The following PDE4D variants were observed in gnomAD, a reference collection of about 807,000 sequenced individuals.
PDE4D encodes phosphodiesterase 4D.
PDE4D carries 24 observed loss-of-function variants against 87.4 expected under a neutral mutation model. The ratio of observed to expected loss-of-function variants is 0.27; its 90% CI spans 0.20 to 0.39. The LOEUF is 0.39. Ranked by LOEUF, PDE4D falls within the 10% of genes least tolerant of loss-of-function variation. The pLI, the probability that PDE4D is intolerant of heterozygous loss-of-function variation, is 1.00. For synonymous variants in PDE4D, 384 were observed against 383.2 expected, an observed-to-expected ratio of 1.00 and a Z score of -0.02; for missense variants, 714 against 1,041.0, an observed-to-expected ratio of 0.69 and a Z score of 4.32.
At chr5:60,465,943 T>C (rs1263865281) in intron 1 of PDE4D, among the ~76,000 whole-genome samples, 1 of 148,846 alleles carries the variant, frequency 6.7e-6, no homozygotes, top group Non-Finnish European at 1.5e-5. Context: ...AGGGACAGAG[T>C]AATTCAACAG....
At chr5:60,406,477 G>A (rs1183815338) in intron 1 of PDE4D, among the ~76,000 whole-genome samples, 1 of 152,172 alleles carries the variant, frequency 6.6e-6, no homozygotes, top group East Asian at 1.9e-4. Flanking sequence ...AAGAGTCCAG[G>A]GTTTCTAATA....
chr5:60,200,841 C>T (rs908746903), intron 1 of PDE4D, among the ~76,000 whole-genome samples: 10 of 152,092 alleles, frequency 6.6e-5, no homozygotes, highest in African/African-American at 9.7e-5. Flanking sequence ...ATTAATATAA[C>T]TCATTAAAGT....
chr5:59,449,365 G>A (rs1233436522), intron 1 of PDE4D, among the ~76,000 whole-genome samples: 1 of 152,188 alleles, frequency 6.6e-6, no homozygotes, highest in African/African-American at 2.4e-5. Context: ...ATTTTCCACA[G>A]TGCTCCCTCA....
chr5:59,185,876 T>C (rs1742795276), intron 3 of PDE4D, among the ~76,000 whole-genome samples: 1 of 152,180 alleles, frequency 6.6e-6, no homozygotes, highest in Non-Finnish European at 1.5e-5. Flanking sequence ...ACACAGAAGA[T>C]ACTCAATAAA....
At chr5:60,315,020 C>T (rs180854582) in intron 1 of PDE4D, among the ~76,000 whole-genome samples, 59 of 152,292 alleles carry the variant, frequency 3.9e-4, no homozygotes, top group Middle Eastern at 3.4e-3. Flanking sequence ...AAGGCTGGGT[C>T]AAAAGGTATT....
intron 1 of PDE4D, among the ~76,000 whole-genome samples, chr5:59,536,504 C>CAAAAAAAAAAAAAAAAAAA (rs10586960): frequency 1.2e-4 from 7 of 56,374 alleles, no homozygotes; most frequent in African/African-American, 6.5e-4. Flanking sequence ...GACTCAGCCT[C>CAAAAAAAAAAAAAAAAAAA]AAAAAAAAAA....
intron 1 of PDE4D, among the ~76,000 whole-genome samples, chr5:59,455,766 G>C (rs1799824575): frequency 6.6e-6 from 1 of 152,232 alleles, no homozygotes; most frequent in South Asian, 2.1e-4. Flanking sequence ...AGCCACAGGG[G>C]TGGAGCCGCC....
intron 11 of PDE4D, among the ~76,000 whole-genome samples, chr5:58,984,988 C>A (rs1746074800): frequency 6.6e-6 from 1 of 152,148 alleles, no homozygotes; most frequent in South Asian, 2.1e-4. Context: ...CGGCTCACTG[C>A]AACCTCTACC....
At position 59,100,811 on chromosome 5, in the gene PDE4D, C is replaced by T. The variant is rs1172913749; in HGVS notation, c.809-61840G>A. Among the ~76,000 whole-genome samples the T allele has an allele frequency of 2.0e-5, 3 of 152,164 alleles. No homozygotes were observed. The East Asian group carries it at 5.8e-4, about 29-fold the overall frequency. On this transcript the variant is annotated intron_variant, in intron 5 of 14. Coordinates refer to ENST00000340635, the MANE Select transcript of PDE4D (RefSeq NM_001104631.2). ...TATCTCTTTTGTTTTTCCAGTTAAT[C>T]ACTGGAGACCAGGGCTGCCCTTTCA...
In PDE4D at chr5:60,429,265, A is replaced by G. The variant is rs181362296; in HGVS notation, c.-90+58677T>C. On this transcript the variant is annotated intron_variant, in intron 1 of 16. Coordinates refer to the PDE4D transcript ENST00000502484. ...TCTAGATATGTTATTTTTTGTGGCT[A>G]TTGTGAATAGGATTATGCTCTTGAT... Among the ~76,000 whole-genome samples the G allele has an allele frequency of 4.6e-5, 7 of 152,258 alleles. No homozygotes were observed. The East Asian group carries it at 1.3e-3, about 29-fold the overall frequency.
At chr5:59,460,930 A>G (rs1417574067) in intron 1 of PDE4D, among the ~76,000 whole-genome samples, 3 of 152,036 alleles carry the variant, frequency 2.0e-5, no homozygotes, top group African/African-American at 7.2e-5. Flanking sequence ...TCCTGTTCCT[A>G]CCCCATACTG....
At chr5:59,079,586 A>G (rs930176056) in intron 5 of PDE4D, among the ~76,000 whole-genome samples, 3 of 151,912 alleles carry the variant, frequency 2.0e-5, no homozygotes, top group Admixed American at 6.6e-5. Flanking sequence ...TACACTTTGC[A>G]TGACTGAGGC....
chr5:60,174,571 G>A (rs1188091051), intron 2 of PDE4D, among the ~76,000 whole-genome samples: 1 of 152,062 alleles, frequency 6.6e-6, no homozygotes, highest in Non-Finnish European at 1.5e-5. Context: ...AAAATAAAAT[G>A]AGGATATAGG....
At chr5:59,906,497 T>C (rs768676328) in intron 3 of PDE4D, among the ~76,000 whole-genome samples, 10 of 152,158 alleles carry the variant, frequency 6.6e-5, no homozygotes, top group Non-Finnish European at 1.3e-4. Flanking sequence ...TATTGGAACA[T>C]AGCCAAACCC....
intron 6 of PDE4D, among the ~76,000 whole-genome samples, chr5:59,030,543 A>AT (rs1316067755): frequency 2.0e-5 from 3 of 151,838 alleles, no homozygotes; most frequent in Non-Finnish European, 4.4e-5. Flanking sequence ...ATTCTAGACA[A>AT]GCCTGGGCAA....
intron 1 of PDE4D, among the ~76,000 whole-genome samples, chr5:60,434,624 T>A (rs1356646437): frequency 6.6e-6 from 1 of 152,174 alleles, no homozygotes; most frequent in Non-Finnish European, 1.5e-5. Flanking sequence ...TTAAATACAA[T>A]TTGTAATTCA....
chr5:59,583,377 C>T (rs1295150659), intron 1 of PDE4D, among the ~76,000 whole-genome samples: 1 of 152,112 alleles, frequency 6.6e-6, no homozygotes, highest in African/African-American at 2.4e-5. Flanking sequence ...ATACTTGTTC[C>T]TGAATGCCAG....
At chr5:60,442,045 A>T (rs1355183824) in intron 1 of PDE4D, among the ~76,000 whole-genome samples, 1 of 152,154 alleles carries the variant, frequency 6.6e-6, no homozygotes, top group African/African-American at 2.4e-5. Flanking sequence ...TCCCTCAAGG[A>T]TCTAGAACCA....
At chr5:59,135,879 A>G (rs1776989255) in intron 5 of PDE4D, among the ~76,000 whole-genome samples, 1 of 152,220 alleles carries the variant, frequency 6.6e-6, no homozygotes, top group Admixed American at 6.5e-5. Flanking sequence ...TTCGTTGTCC[A>G]TTTATTTAAA....
Sources: gnomAD v4.1 joint callset for allele counts (sites outside exome capture counted in the v4.1 genomes callset) on GRCh38, gnomAD v4.1.1 for gene constraint, MANE v1.5 for transcripts, NCBI Gene and HGNC (gene_info 2026-07-23, HGNC 2026-07-21) for gene names.